STS: variants seen among roughly 807,000 people sequenced by gnomAD.
STS encodes the protein steroid sulfatase, also known as steryl-sulfatase.
In STS, 7 loss-of-function variants were observed where a neutral mutation model predicts 26.8. That is an observed-to-expected ratio of 0.26 (90% confidence interval 0.15 to 0.49). The LOEUF is 0.49. Ranked by LOEUF, STS falls within the 20% of genes least tolerant of loss-of-function variation. STS has a pLI of 0.98. For synonymous variants in STS, 199 were observed against 189.4 expected (o/e 1.05, Z -0.42); for missense variants, 434 against 465.6 (o/e 0.93, Z 0.63).
intron 1 of STS, 21 bp downstream of exon 1, chrX:7,148,104 G>GCGCCGCCATGGTGGCGC: frequency 8.8e-7 from 1 of 1,131,955 alleles, no homozygotes; most frequent in Non-Finnish European, 1.2e-6. Context: ...GGCTGCGGGG[G>GCGCCGCCATGGTGGCGC]CGCCGCCATG....
At chrX:7,296,306 C>T (rs1925659874) in intron 7 of STS, among the ~76,000 whole-genome samples, 1 of 112,234 alleles carries the variant, frequency 8.9e-6, no homozygotes, top group African/African-American at 3.2e-5. Context: ...CCATACCAAA[C>T]AGCAAATGGC....
chrX:7,292,296 G>A (rs1925458711), intron 7 of STS, among the ~76,000 whole-genome samples: 1 of 112,498 alleles, frequency 8.9e-6, no homozygotes, highest in Non-Finnish European at 1.9e-5. Flanking sequence ...GCATGGGGAT[G>A]CATCTGTACA....
chrX:7,169,233 C>T (rs1484262191), intron 1 of STS, among the ~76,000 whole-genome samples: 1 of 111,434 alleles, frequency 9.0e-6, no homozygotes, highest in Non-Finnish European at 1.9e-5. Flanking sequence ...AATTATACAC[C>T]CTGTGGCCAG....
At chrX:7,219,400 A>G (rs756892911) in intron 2 of STS, 51 of 1,030,562 alleles carry the variant, frequency 4.9e-5, no homozygotes, top group Non-Finnish European at 6.1e-5. Flanking sequence ...TGAAACTCCC[A>G]AAAGAATGCA....
At chrX:7,179,143 T>C (rs745482368) in intron 1 of STS, among the ~76,000 whole-genome samples, 1 of 109,359 alleles carries the variant, frequency 9.1e-6, no homozygotes, top group South Asian at 4.1e-4. Flanking sequence ...GGTAACTGGC[T>C]TTCTCTAGTC....
At chrX:7,187,845 C>A (rs761886606) in intron 1 of STS, among the ~76,000 whole-genome samples, 1 of 111,484 alleles carries the variant, frequency 9.0e-6, no homozygotes, top group African/African-American at 3.3e-5. Flanking sequence ...ACCCCAATGG[C>A]ATTCTTAGAT....
intron 6 of STS, among the ~76,000 whole-genome samples, chrX:7,267,244 A>G (rs1480453382): frequency 8.9e-6 from 1 of 112,026 alleles, no homozygotes; most frequent in Non-Finnish European, 1.9e-5. Flanking sequence ...GGAAGAGTCT[A>G]GGTCCAATGC....
At chrX:7,181,222 C>T (rs1233318862) in intron 1 of STS, among the ~76,000 whole-genome samples, 2 of 112,412 alleles carry the variant, frequency 1.8e-5, no homozygotes, top group Non-Finnish European at 3.8e-5. Context: ...ACACAATATA[C>T]TCGTGTAACA....
At chrX:7,312,873 G>GTCTCCT (rs1926549516) in intron 8 of STS, among the ~76,000 whole-genome samples, 1 of 112,247 alleles carries the variant, frequency 8.9e-6, no homozygotes, top group South Asian at 3.7e-4. Context: ...TCTTCCTTCT[G>GTCTCCT]TCTCCTTCTC....
intron 8 of STS, among the ~76,000 whole-genome samples, chrX:7,306,008 C>T (rs1056700803): frequency 9.0e-6 from 1 of 111,674 alleles, no homozygotes; most frequent in Admixed American, 9.5e-5. Context: ...TGAGCTAACA[C>T]TTTTCAAAAA....
At chrX:7,280,541 A>G (rs1360429580) in intron 7 of STS, among the ~76,000 whole-genome samples, 8 of 112,186 alleles carry the variant, frequency 7.1e-5, no homozygotes, top group Non-Finnish European at 1.3e-4. Flanking sequence ...TCCAGTATAC[A>G]ACAAGCATTT....
At chrX:7,254,733 G>A (rs1043171446) in intron 3 of STS, among the ~76,000 whole-genome samples, 22 of 108,802 alleles carry the variant, frequency 2.0e-4, no homozygotes, top group Admixed American at 4.9e-4. Flanking sequence ...ACAGGTGTGC[G>A]CCACCATGCC....
chrX:7,222,061 A>G (rs1367475062), intron 2 of STS, among the ~76,000 whole-genome samples: 2 of 111,298 alleles, frequency 1.8e-5, no homozygotes, highest in African/African-American at 6.5e-5. Context: ...TGCTTGTTCC[A>G]CCATGTGAGG....
intron 1 of STS, among the ~76,000 whole-genome samples, chrX:7,149,980 TC>T (rs1932978681): frequency 8.9e-6 from 1 of 112,023 alleles, no homozygotes; most frequent in Non-Finnish European, 1.9e-5. Flanking sequence ...GGATGAGGAC[TC>T]CAACATATAT....
Position 7,291,786 on chromosome X carries a change from A to AT in STS, c.944-13250dup, listed in dbSNP as rs1177553010. Among the ~76,000 whole-genome samples the AT allele has an allele frequency of 5.0e-3, 553 of 109,777 alleles. 4 individuals are homozygous for AT. The highest frequency in any genetic ancestry group is 0.017 in the African/African-American group (515 of 30,278). On this transcript the variant is annotated intron_variant, in intron 7 of 10. Transcript: ENST00000674429. ...TTAGTGAAAGAACATTGTTGTCATA[A>AT]TTTTTTTTTTATTCTAAGGTAAGAC...
intron 1 of STS, among the ~76,000 whole-genome samples, chrX:7,155,377 C>T (rs1407412751): frequency 8.9e-6 from 1 of 111,844 alleles, no homozygotes; most frequent in Non-Finnish European, 1.9e-5. Flanking sequence ...GCCAAGTCAG[C>T]GTGACACCAA....
intron 2 of STS, among the ~76,000 whole-genome samples, chrX:7,218,670 A>G (rs1202485822): frequency 8.9e-6 from 1 of 112,533 alleles, no homozygotes; most frequent in African/African-American, 3.2e-5. Flanking sequence ...AGATAATCTT[A>G]GAACAAGATT....
At chrX:7,166,755 C>A (rs1348569718) in intron 1 of STS, among the ~76,000 whole-genome samples, 1 of 111,531 alleles carries the variant, frequency 9.0e-6, no homozygotes, top group African/African-American at 3.3e-5. Context: ...TTTTCAGTTG[C>A]ATATGTGGGA....
rs928985505 is a variant in STS at position 7,259,611 on chromosome X, C to T, written c.645C>T (p.Leu215=). 3.3e-6 allele frequency: 4 copies of T among 1,211,330 alleles called. No individual in the cohort carries two copies. The highest frequency in any genetic ancestry group is 4.5e-6 in the Non-Finnish European group (4 of 895,412). The change falls in exon 6 of 11, where the codon CTC becomes CTT. Residue 215 remains leucine (L), a synonymous_variant. Coordinates refer to ENST00000674429, the MANE Select transcript of STS (RefSeq NM_001320752.2). ...CTCTAGGCGTTTTTTTCAGCCTTCT[C>T]TTCCTAGCAGCCCTAATCCTGACCC... ...HVPLGVFFSL[L]FLAALILTLF...
Sources: gnomAD v4.1 joint callset for allele counts (sites outside exome capture counted in the v4.1 genomes callset) on GRCh38, gnomAD v4.1.1 for gene constraint, MANE v1.5 for transcripts, NCBI Gene and HGNC (gene_info 2026-07-23, HGNC 2026-07-21) for gene names.